The following CTNNA2 variants were observed in gnomAD, a reference collection of about 807,000 sequenced individuals.
CTNNA2 encodes the protein catenin alpha 2.
Under a neutral mutation model 101.0 loss-of-function variants are expected in CTNNA2, and 42 were observed. That is an observed-to-expected ratio of 0.42 (90% CI 0.32 to 0.54). CTNNA2 has a LOEUF of 0.54. CTNNA2 is among the 20% of genes least tolerant of loss of function. The pLI, the probability that CTNNA2 is intolerant of heterozygous loss-of-function variation, is 0.14. For synonymous variants in CTNNA2, 450 were observed against 456.4 expected (o/e 0.99, Z 0.18); for missense variants, 871 against 1,223.1 (o/e 0.71, Z 4.29).
At chr2:80,312,494 G>A (rs1383262794) in intron 7 of CTNNA2, among the ~76,000 whole-genome samples, 1 of 152,212 alleles carries the variant, frequency 6.6e-6, no homozygotes, top group Non-Finnish European at 1.5e-5. Flanking sequence ...GGGAACAGAT[G>A]TGAACTACTG....
chr2:79,678,772 C>T (rs1683364255), intron 2 of CTNNA2, among the ~76,000 whole-genome samples: 1 of 152,148 alleles, frequency 6.6e-6, no homozygotes, highest in Non-Finnish European at 1.5e-5. Flanking sequence ...ATCTTGGAGT[C>T]TCGTTGAATA....
At chr2:79,423,307 T>C (rs1376620) in intron 4 of CTNNA2, among the ~76,000 whole-genome samples, 76,232 of 151,950 alleles carry the variant, frequency 0.5, 19,232 homozygotes, top group Middle Eastern at 0.67. Flanking sequence ...GTAAAGCTGT[T>C]TTGGACATTC....
chr2:79,745,385 C>T (rs1383366486), intron 3 of CTNNA2, among the ~76,000 whole-genome samples: 2 of 151,648 alleles, frequency 1.3e-5, no homozygotes, highest in African/African-American at 4.8e-5. Context: ...GAGCCAAGAT[C>T]GCGCCGCTGC....
chr2:79,560,633 A>G (rs2104125178), intron 1 of CTNNA2, among the ~76,000 whole-genome samples: 1 of 152,050 alleles, frequency 6.6e-6, no homozygotes, highest in Admixed American at 6.6e-5. Context: ...GAAAGGCAAA[A>G]GAATGTCTTT....
chr2:80,062,635 A>T (rs1033373323), intron 7 of CTNNA2, among the ~76,000 whole-genome samples: 2 of 152,040 alleles, frequency 1.3e-5, no homozygotes, highest in Non-Finnish European at 2.9e-5. Context: ...AGCAATATAC[A>T]TAAGAATCTT....
chr2:79,902,816 G>A (rs1467325711), intron 6 of CTNNA2, among the ~76,000 whole-genome samples: 6 of 151,908 alleles, frequency 3.9e-5, no homozygotes, highest in African/African-American at 1.2e-4. Context: ...TAGTAGAGGC[G>A]GGGTTTCACC....
chr2:79,581,788 CA>C lies in CTNNA2; in HGVS notation c.-6+68586del, dbSNP rs749499898. 2.2e-4 allele frequency among the ~76,000 whole-genome samples: 34 copies of C among 152,230 alleles called. No individual in the cohort carries two copies. The East Asian group carries it at 5.8e-3, about 26-fold the overall frequency. On this transcript the variant is annotated intron_variant, in intron 1 of 18. Coordinates refer to ENST00000402739, the MANE Select transcript of CTNNA2 (RefSeq NM_001282597.3). ...TATTATGACTAAATCATTCTTCTGGCAAAAAGAAACCTAAAGTATTTCAAAT... is the reference window on the plus strand; with the variant it reads ...TATTATGACTAAATCATTCTTCTGGCAAAAGAAACCTAAAGTATTTCAAAT...
At chr2:79,530,237 G>T (rs180679088) in intron 1 of CTNNA2, among the ~76,000 whole-genome samples, 1 of 152,092 alleles carries the variant, frequency 6.6e-6, no homozygotes, top group African/African-American at 2.4e-5. Flanking sequence ...AAGCTAAACT[G>T]TAACTCTTGT....
At chr2:79,382,630 T>C (rs1420297172) in intron 4 of CTNNA2, among the ~76,000 whole-genome samples, 3 of 152,196 alleles carry the variant, frequency 2.0e-5, no homozygotes, top group African/African-American at 7.2e-5. Context: ...TTTTTCTTTT[T>C]TTGAGACACT....
chr2:79,654,606 C>T (rs1037624158), intron 2 of CTNNA2, among the ~76,000 whole-genome samples: 2 of 152,212 alleles, frequency 1.3e-5, no homozygotes, highest in African/African-American at 4.8e-5. Context: ...CCAGGATAAT[C>T]TCTCCATCTT....
At chr2:79,857,228 A>C (rs12477220) in intron 3 of CTNNA2, among the ~76,000 whole-genome samples, 1 of 152,090 alleles carries the variant, frequency 6.6e-6, no homozygotes, top group African/African-American at 2.4e-5. Context: ...GCTTCCCCCC[A>C]GTCTCACAAT....
intron 6 of CTNNA2, among the ~76,000 whole-genome samples, chr2:79,897,322 A>G (rs1684785043): frequency 8.7e-6 from 1 of 115,594 alleles, no homozygotes; most frequent in Non-Finnish European, 1.7e-5. Flanking sequence ...TTAGGAAAAT[A>G]TGCTTTACCG....
intron 18 of CTNNA2, among the ~76,000 whole-genome samples, chr2:80,638,307 A>G (rs1033849748): frequency 2.2e-5 from 3 of 137,918 alleles, no homozygotes; most frequent in Non-Finnish European, 4.7e-5. Flanking sequence ...TGTCTGCCCA[A>G]GAATATTTCC....
At chr2:79,913,166 A>T (rs1478036845) in intron 7 of CTNNA2, among the ~76,000 whole-genome samples, 2 of 152,224 alleles carry the variant, frequency 1.3e-5, no homozygotes, top group Non-Finnish European at 2.9e-5. Flanking sequence ...ATATGCAAAG[A>T]GGAAGTCTAA....
intron 15 of CTNNA2, among the ~76,000 whole-genome samples, chr2:80,592,580 A>G (rs1696606756): frequency 1.3e-5 from 2 of 152,148 alleles, no homozygotes; most frequent in Non-Finnish European, 2.9e-5. Flanking sequence ...CAGCTGTTCT[A>G]CTGTGCTGTC....
chr2:79,981,231 G>A (rs1017794769), intron 7 of CTNNA2, among the ~76,000 whole-genome samples: 1 of 151,976 alleles, frequency 6.6e-6, no homozygotes, highest in Non-Finnish European at 1.5e-5. Flanking sequence ...CAAAAAATAG[G>A]GGGCTTCATT....
chr2:79,870,995 G>A (rs1682544854), intron 5 of CTNNA2, among the ~76,000 whole-genome samples: 1 of 152,180 alleles, frequency 6.6e-6, no homozygotes, highest in Non-Finnish European at 1.5e-5. Flanking sequence ...AACTCTGTTT[G>A]CTCACTGGAT....
intron 7 of CTNNA2, among the ~76,000 whole-genome samples, chr2:79,988,164 G>T (rs907560981): frequency 6.6e-6 from 1 of 152,166 alleles, no homozygotes; most frequent in East Asian, 1.9e-4. Flanking sequence ...ACAGAATATG[G>T]CATCAAATCA....
At chr2:80,484,833 T>C (rs137959634) in intron 9 of CTNNA2, among the ~76,000 whole-genome samples, 6,068 of 152,010 alleles carry the variant, frequency 0.04, 125 homozygotes, top group African/African-American at 0.05. Flanking sequence ...GGTGAAACCT[T>C]GTCTCTACTG....
Sources: allele counts gnomAD v4.1 joint callset (sites outside exome capture counted in the v4.1 genomes callset), GRCh38; gene constraint gnomAD v4.1.1; transcripts MANE v1.5; gene names NCBI Gene and HGNC (gene_info 2026-07-23, HGNC 2026-07-21).